Variants in TMEM235 observed in about 807,000 individuals in gnomAD.
The protein encoded by TMEM235 is transmembrane protein 235, also known as claudin-27.
TMEM235 carries 23 observed loss-of-function variants against 22.9 expected under a neutral mutation model. The ratio of observed to expected loss-of-function variants is 1.00; its 90% CI spans 0.72 to 1.42. The LOEUF (loss-of-function observed/expected upper bound fraction) is 1.42. Ranked by LOEUF, TMEM235 falls within the 40% of genes most tolerant of loss-of-function variation. The pLI is 0.00. For missense variants in TMEM235, 308 were observed against 299.5 expected (o/e 1.03, Z -0.21); for synonymous variants, 137 against 140.5 (o/e 0.98, Z 0.17).
chr17:78,233,855 C>T, intron 2 of TMEM235, 40 bp from the exon 2 acceptor site: 2 of 1,530,172 alleles, frequency 1.3e-6, no homozygotes, highest in Non-Finnish European at 1.8e-6. Context: ...GGGTGCACCA[C>T]AGCGTCCAGG....
At position 78,234,529 on chromosome 17, in the gene TMEM235, C is replaced by T. The variant is rs184010789; in HGVS notation, c.272-64C>T. 6.4e-4 allele frequency: 973 copies of T among 1,528,936 alleles called. 4 individuals carry two copies. The highest frequency in any genetic ancestry group is 5.2e-3 in the South Asian group (433 of 83,752). 94.7% of individuals were successfully genotyped at this position (1,528,936 alleles called of 1,614,324 possible). Reference sequence around the variant, plus strand: ...GACGAAGCACCACGTCACTGTCCTCCGGCAGACAAGTGCTGAAGGGCCCAC... The same window carrying T: ...GACGAAGCACCACGTCACTGTCCTCTGGCAGACAAGTGCTGAAGGGCCCAC... On this transcript the variant is annotated intron_variant, in intron 3 of 5. Coordinates refer to ENST00000421688, the Ensembl canonical transcript of TMEM235.
chr17:78,234,584 T>A lies in TMEM235; in HGVS notation c.272-9T>A. The A allele has an allele frequency of 9.8e-6, 15 of 1,536,040 alleles. No homozygotes were observed. Among genetic ancestry groups the A allele is most frequent in the Non-Finnish European group, 1.2e-5 (14 of 1,146,786 alleles). ...ACCAGAATTCTCACCTGAGCCCCCT[T>A]TCCTGCAGTGCTGCACCGTGCAGTC... On this transcript the variant is annotated splice_polypyrimidine_tract_variant and intron_variant, in intron 3 of 5. Coordinates refer to ENST00000421688, the Ensembl canonical transcript of TMEM235.
chr17:78,240,276 C>A, exon 6 of TMEM235: 1 of 289,536 alleles, frequency 3.5e-6, no homozygotes, highest in South Asian at 4.2e-5. Context: ...GGGGGCCTGG[C>A]TGAGGGTGCT....
rs370270314 is a variant in TMEM235 at position 78,239,182 on chromosome 17, T to C, written c.568T>C (p.Phe190Leu). ...CTGGGGCTCCTGTGCCTTGGAGGCA[T>C]TCAGCGGAACCCTCCTGCTCTCAGC... The change falls in exon 5 of 6, where the codon TTC becomes CTC. Residue 190 changes from phenylalanine to leucine, a missense_variant. By Grantham distance (22) the Phe-to-Leu change is conservative. This residue lies in a region of TMEM235 where 285 missense variants were observed against 256.2 expected (regional missense o/e 1.11). Coordinates refer to ENST00000421688, the Ensembl canonical transcript of TMEM235. 4.1e-5 allele frequency: 63 copies of C among 1,543,158 alleles called. No individual in the cohort carries two copies. Among genetic ancestry groups the C allele is most frequent in the Non-Finnish European group, 5.2e-5 (60 of 1,146,944 alleles).
At chr17:78,240,897 G>T (rs1181992945) in exon 6 of TMEM235, 2 of 152,252 alleles carry the variant, frequency 1.3e-5, no homozygotes, top group Non-Finnish European at 2.9e-5. Flanking sequence ...GCTGTGTGCA[G>T]TATAAGCCTT....
chr17:78,240,788 CTG>C (rs935209073), exon 6 of TMEM235: 3 of 152,178 alleles, frequency 2.0e-5, no homozygotes, highest in Non-Finnish European at 2.9e-5. Flanking sequence ...GAGGACAAAT[CTG>C]GGGGGTGAGC....
chr17:78,239,093 A>C (rs776130359), exon 5 of TMEM235: 1 of 1,544,414 alleles, frequency 6.5e-7, no homozygotes, highest in South Asian at 1.2e-5. Flanking sequence ...GAGACGGTGC[A>C]GCAGTATGGC....
At chr17:78,232,088 T>C in exon 2 of TMEM235, 1 of 1,456,406 alleles carries the variant, frequency 6.9e-7, no homozygotes. Context: ...TTCGCGCTCC[T>C]GGCCGCCGCG....
exon 6 of TMEM235, chr17:78,239,787 G>C (rs924601848): frequency 1.2e-5 from 18 of 1,546,184 alleles, no homozygotes; most frequent in Non-Finnish European, 1.6e-5. Context: ...CAGAGGGGGA[G>C]ACTGAGGCCC....
chr17:78,237,862 C>G lies in TMEM235; in HGVS notation c.410-1162C>G, dbSNP rs573927771. On this transcript the variant is annotated intron_variant, in intron 4 of 5. Coordinates refer to ENST00000421688, the Ensembl canonical transcript of TMEM235. The surrounding 1 kb of genome is among the most constrained non-coding windows in gnomAD (Gnocchi z 4.7). The stretch of plus-strand genomic sequence containing the variant: ...CTCCCCATGCCTTCTTCTCCCCACT[C>G]TCTGTCCCACTCTTCTTCCCAAGTT... 2.0e-5 allele frequency among the ~76,000 whole-genome samples: 3 copies of G among 152,222 alleles called. No individual in the cohort carries two copies. The highest frequency in any genetic ancestry group is 4.4e-5 in the Non-Finnish European group (3 of 68,032).
Position 78,239,041 on chromosome 17 carries a change from G to GAT in TMEM235, c.427_428insAT (p.Gly143AspfsTer63), listed in dbSNP as rs1463826058. 6.5e-7 allele frequency: 1 copy of GAT among 1,541,468 alleles called. No individual in the cohort carries two copies. Among genetic ancestry groups the GAT allele is most frequent in the African/African-American group, 1.4e-5 (1 of 73,020 alleles). The stretch of plus-strand genomic sequence containing the variant: ...TCCCCCAGGTGTCCTGACACTGGCG[G>GAT]GGGTCAGCATCTACATCAGCTACTC... On this transcript the variant is annotated frameshift_variant, in exon 5 of 6. Coordinates refer to ENST00000421688, the Ensembl canonical transcript of TMEM235. LOFTEE classifies it high-confidence loss of function.
chr17:78,232,168 G>A, exon 2 of TMEM235: 2 of 1,488,092 alleles, frequency 1.3e-6, no homozygotes, highest in South Asian at 1.3e-5. Flanking sequence ...GCCCGGGCGC[G>A]CAGAGCTGCT....
At chr17:78,239,631 C>T in intron 5 of TMEM235, 149 bp from the exon 5 acceptor site, 1 of 1,409,350 alleles carries the variant, frequency 7.1e-7, no homozygotes, top group South Asian at 1.5e-5. Context: ...TCGCCCCTCC[C>T]CCAGCAGGCT....
exon 6 of TMEM235, chr17:78,240,001 C>G: frequency 6.5e-7 from 1 of 1,534,732 alleles, no homozygotes; most frequent in Non-Finnish European, 8.8e-7. Flanking sequence ...CCTCTGCCCC[C>G]TCCCTTGTTC....
chr17:78,239,124 C>T (rs1331973988), exon 5 of TMEM235: 1 of 1,543,556 alleles, frequency 6.5e-7, no homozygotes, highest in Non-Finnish European at 8.7e-7. Context: ...TGCAGGGCGT[C>T]CGCGTCAGCT....
At chr17:78,231,823 C>G (rs528981634) in exon 2 of TMEM235, 1 of 1,202,772 alleles carries the variant, frequency 8.3e-7, no homozygotes, top group Non-Finnish European at 1.1e-6. Flanking sequence ...GCTCAGCGAC[C>G]GCAGAGAGGT....
chr17:78,234,737 CTG>C lies in TMEM235; in HGVS notation c.409+8_409+9del. ...TGCTACTTCCTGCTGGGGAGTGAGT[CTG>C]GGGCCCTGGGGGAATGGCTCCAAAG... On this transcript the variant is annotated splice_region_variant and intron_variant, in intron 4 of 5. Transcript: ENST00000421688. The C allele has an allele frequency of 6.5e-7, 1 of 1,536,038 alleles. No homozygotes were observed. Among genetic ancestry groups the C allele is most frequent in the Non-Finnish European group, 8.7e-7 (1 of 1,146,838 alleles).
intron 4 of TMEM235, among the ~76,000 whole-genome samples, chr17:78,236,434 T>A (rs1445054505): frequency 1.3e-5 from 2 of 152,148 alleles, no homozygotes; most frequent in Non-Finnish European, 1.5e-5. Context: ...CTGACGCGGC[T>A]CCAGCTCTGA....
Position 78,234,621 on chromosome 17 carries a change from GC to G in TMEM235, c.304del (p.Leu102Ter). The G allele has an allele frequency of 2.0e-6, 3 of 1,536,228 alleles. No homozygotes were observed. Among genetic ancestry groups the G allele is most frequent in the Non-Finnish European group, 2.6e-6 (3 of 1,146,930 alleles). On this transcript the variant is annotated frameshift_variant, in exon 4 of 6. Coordinates refer to ENST00000421688, the Ensembl canonical transcript of TMEM235. LOFTEE classifies it high-confidence loss of function. Reference sequence around the variant, plus strand: ...TGCACCGTGCAGTCATTGTGGTCCTGCCCCTGAGCCTGGTCCTTCTCGTGTG... The same window carrying G: ...TGCACCGTGCAGTCATTGTGGTCCTGCCCTGAGCCTGGTCCTTCTCGTGTG...
Sources: gnomAD v4.1 joint callset for allele counts (sites outside exome capture counted in the v4.1 genomes callset) on GRCh38, gnomAD v4.1.1 for gene constraint, gnomAD v4.1.1 regional missense constraint, Gnocchi (gnomAD v3.1) non-coding constraint, MANE v1.5 for transcripts, NCBI Gene and HGNC (gene_info 2026-07-23, HGNC 2026-07-21) for gene names.